GREB1L: variants seen among roughly 807,000 people sequenced by gnomAD.
GREB1L encodes the protein GREB1-like protein.
A neutral mutation model predicts 200.8 loss-of-function variants in GREB1L; 17 were observed. The ratio of observed to expected loss-of-function variants is 0.08; its 90% CI spans 0.06 to 0.13. The LOEUF (loss-of-function observed/expected upper bound fraction) is 0.13. GREB1L is among the 10% of genes least tolerant of loss of function. GREB1L has a pLI of 1.00. For missense variants in GREB1L, 1,657 were observed against 2,367.7 expected (o/e 0.70, Z 6.23); for synonymous variants, 789 against 893.0 (o/e 0.88, Z 2.08).
rs1187867483 is a variant in GREB1L, at chr18:21,275,475, G to GAAATCTCATC, written c.-120+33083_-120+33092dup. On this transcript the variant is annotated intron_variant, in intron 1 of 32. Transcript: ENST00000424526. ...AAACAAAAAGCCTGGCCAACATAGT[G>GAAATCTCATC]AAATCTCATCTCTACTAAAAATGCA... Among the ~76,000 whole-genome samples, 5 of 151,908 alleles carry GAAATCTCATC rather than the reference G, an allele frequency of 3.3e-5. No homozygotes were observed. In the East Asian group the frequency reaches 9.8e-4, roughly 30 times the overall value.
At position 21,401,135 on chromosome 18, in the gene GREB1L, T is replaced by C. The variant is rs2041299442; in HGVS notation, c.533-15T>C. Reference sequence around the variant, plus strand: ...CTTACAAGGCCATTAGTAACATTGGTTTTCCTGACTTCAGGGTTTTCTGGA... The same window carrying C: ...CTTACAAGGCCATTAGTAACATTGGCTTTCCTGACTTCAGGGTTTTCTGGA... On this transcript the variant is annotated splice_polypyrimidine_tract_variant and intron_variant, in intron 5 of 32. Coordinates refer to ENST00000424526, the MANE Select transcript of GREB1L (RefSeq NM_001142966.3). 1.3e-6 allele frequency: 2 copies of C among 1,548,732 alleles called. No individual in the cohort carries two copies. The highest frequency in any genetic ancestry group is 2.4e-5 in the South Asian group (2 of 84,012).
intron 1 of GREB1L, among the ~76,000 whole-genome samples, chr18:21,264,207 A>T (rs1435957390): frequency 6.6e-6 from 1 of 152,124 alleles, no homozygotes; most frequent in African/African-American, 2.4e-5. Context: ...CTAATTATGT[A>T]GCAGATGGGA....
At chr18:21,432,835 T>C (rs1220821498) in intron 7 of GREB1L, among the ~76,000 whole-genome samples, 2 of 151,140 alleles carry the variant, frequency 1.3e-5, no homozygotes, top group Non-Finnish European at 2.9e-5. Flanking sequence ...GCCTCCCAAG[T>C]AGCTGGGATT....
intron 1 of GREB1L, among the ~76,000 whole-genome samples, chr18:21,269,396 C>T (rs1384731040): frequency 6.6e-6 from 1 of 152,032 alleles, no homozygotes; most frequent in African/African-American, 2.4e-5. Flanking sequence ...GGGGATTATG[C>T]CCAATTCTGG....
intron 5 of GREB1L, among the ~76,000 whole-genome samples, chr18:21,400,535 T>C (rs1157439667): frequency 2.0e-5 from 3 of 152,244 alleles, no homozygotes; most frequent in Non-Finnish European, 4.4e-5. Context: ...TCATGGTTCT[T>C]GGTTCCCGTA....
chr18:21,339,320 C>T (rs2039234868), intron 1 of GREB1L, among the ~76,000 whole-genome samples: 1 of 152,100 alleles, frequency 6.6e-6, no homozygotes, highest in African/African-American at 2.4e-5. Context: ...TATTCTAAGG[C>T]AGTTTTAGGC....
chr18:21,497,389 T>C (rs148686857), intron 21 of GREB1L, among the ~76,000 whole-genome samples: 2 of 152,318 alleles, frequency 1.3e-5, no homozygotes, highest in East Asian at 3.9e-4. Context: ...GGTCCTGTAA[T>C]CCTAGCACTT....
At chr18:21,450,853 A>G in intron 12 of GREB1L, 170 bp from the exon 13 acceptor site, 2 of 561,264 alleles carry the variant, frequency 3.6e-6, no homozygotes, top group Admixed American at 3.3e-5. Context: ...GTCAGAATTG[A>G]TATTTCAAAT....
At chr18:21,478,399 A>G (rs2035792109) in intron 17 of GREB1L, among the ~76,000 whole-genome samples, 1 of 152,258 alleles carries the variant, frequency 6.6e-6, no homozygotes, top group Non-Finnish European at 1.5e-5. Context: ...CCATTAAGCA[A>G]TGGATCCCTC....
intron 8 of GREB1L, 130 bp from the exon 9 acceptor site, chr18:21,440,139 G>A (rs2033814130): frequency 2.1e-6 from 2 of 953,022 alleles, no homozygotes; most frequent in South Asian, 3.6e-5. Flanking sequence ...CTAAAGGAGT[G>A]ATTTAGACTT....
At chr18:21,437,234 T>C (rs2033606007) in intron 7 of GREB1L, among the ~76,000 whole-genome samples, 1 of 152,142 alleles carries the variant, frequency 6.6e-6, no homozygotes, top group Non-Finnish European at 1.5e-5. Context: ...TGGCCATTTT[T>C]GGAAATTTTT....
At chr18:21,383,026 A>C (rs1340133274) in intron 2 of GREB1L, among the ~76,000 whole-genome samples, 1 of 143,790 alleles carries the variant, frequency 7.0e-6, no homozygotes, top group Non-Finnish European at 1.5e-5. Context: ...TTAAATATAT[A>C]ACCATAAAAC....
rs146305680 is a variant in GREB1L, at chr18:21,477,557, C to T, written c.2556+201C>T. Among the ~76,000 whole-genome samples, 324 of 152,224 alleles carry T rather than the reference C, an allele frequency of 2.1e-3. 1 individual carries two copies. Among genetic ancestry groups the T allele is most frequent in the African/African-American group, 7.3e-3 (303 of 41,546 alleles). ...ATTCCAGCACTTTGGGAGGCCGAGG[C>T]GGGTGGATCACAAGGTCAGGAGATC... On this transcript the variant is annotated intron_variant, in intron 17 of 32. Transcript: ENST00000424526.
intron 1 of GREB1L, among the ~76,000 whole-genome samples, chr18:21,358,156 C>T (rs981365622): frequency 6.6e-6 from 1 of 151,930 alleles, no homozygotes; most frequent in Non-Finnish European, 1.5e-5. Context: ...AGTGTACAGA[C>T]CTTTCACCTC....
At chr18:21,436,669 GGTGTGTGTGT>G (rs71178172) in intron 7 of GREB1L, among the ~76,000 whole-genome samples, 118 of 132,526 alleles carry the variant, frequency 8.9e-4, no homozygotes, top group South Asian at 3.9e-3. Context: ...AAAGTTCAGT[GGTGTGTGTGT>G]GTGTGTGTGT....
intron 27 of GREB1L, among the ~76,000 whole-genome samples, chr18:21,510,190 C>T (rs1402674003): frequency 8.9e-5 from 13 of 145,406 alleles, no homozygotes; most frequent in African/African-American, 1.5e-4. Context: ...CACCAGCCTG[C>T]GTGACAACAG....
chr18:21,345,027 C>T (rs976816027), intron 1 of GREB1L, among the ~76,000 whole-genome samples: 3 of 152,180 alleles, frequency 2.0e-5, no homozygotes, highest in Non-Finnish European at 4.4e-5. Flanking sequence ...CCACCTGCCC[C>T]TTTCTCAGCA....
intron 27 of GREB1L, among the ~76,000 whole-genome samples, chr18:21,510,845 C>A (rs1352788789): frequency 6.6e-6 from 1 of 151,860 alleles, no homozygotes; most frequent in East Asian, 2.0e-4. Flanking sequence ...TCCTCACCAA[C>A]ACTTTTTTTT....
At chr18:21,326,918 C>T (rs2039031663) in intron 1 of GREB1L, among the ~76,000 whole-genome samples, 1 of 152,122 alleles carries the variant, frequency 6.6e-6, no homozygotes, top group Admixed American at 6.5e-5. Context: ...GATGTCTGCT[C>T]TTCTTTTTTT....
Sources: allele counts gnomAD v4.1 joint callset (sites outside exome capture counted in the v4.1 genomes callset), GRCh38; gene constraint gnomAD v4.1.1; transcripts MANE v1.5; gene names NCBI Gene and HGNC (gene_info 2026-07-23, HGNC 2026-07-21).